PRICKLE1: variants seen among roughly 807,000 people sequenced by gnomAD.
PRICKLE1 encodes the protein prickle-like protein 1.
PRICKLE1 carries 14 observed loss-of-function variants against 70.2 expected under a neutral mutation model. The observed-to-expected ratio is 0.20, with a 90% confidence interval of 0.13 to 0.31. The LOEUF (loss-of-function observed/expected upper bound fraction) is 0.31. PRICKLE1 is among the 10% of genes least tolerant of loss of function. PRICKLE1 has a pLI of 1.00. For missense variants in PRICKLE1, 821 were observed against 1,026.2 expected (o/e 0.80, Z 2.73); for synonymous variants, 357 against 379.9 (o/e 0.94, Z 0.70).
At chr12:42,546,055 G>T (rs140943150) in intron 1 of PRICKLE1, among the ~76,000 whole-genome samples, 1 of 151,834 alleles carries the variant, frequency 6.6e-6, no homozygotes, top group South Asian at 2.1e-4. Context: ...AAACACTGAC[G>T]AACAAACATG....
At chr12:42,483,353 G>A (rs1473102855) in intron 1 of PRICKLE1, 2 of 152,158 alleles carry the variant, frequency 1.3e-5, no homozygotes, top group Non-Finnish European at 2.9e-5. Context: ...ATCCAGCCCT[G>A]GGACCCAGAC....
chr12:42,466,278 T>A lies in PRICKLE1; in HGVS notation c.691A>T (p.Ile231Phe). ...CETVLGGQRYIMKDGRPFCCG... is the reference protein window; with the variant it reads ...CETVLGGQRYFMKDGRPFCCG... ...CAGAAGGGGCGGCCGTCCTTCATGATATACCTCTGTCCTCCCAGGACCGTT... is the reference window on the plus strand; with the variant it reads ...CAGAAGGGGCGGCCGTCCTTCATGAAATACCTCTGTCCTCCCAGGACCGTT... Residue 231 changes from isoleucine (I) to phenylalanine (F), a missense_variant, in exon 6 of 8, where the codon ATC (isoleucine) becomes TTC (phenylalanine). By Grantham distance (21) the Ile-to-Phe change is conservative. Transcript: ENST00000345127. 1 of 1,614,226 alleles carries A rather than the reference T, an allele frequency of 6.2e-7. No individual in the cohort carries two copies. The highest frequency in any genetic ancestry group is 8.5e-7 in the Non-Finnish European group (1 of 1,180,044).
rs554256060 is a variant in PRICKLE1 at position 42,565,379 on chromosome 12, G to C, written c.-49+24086C>G. On this transcript the variant is annotated intron_variant, in intron 1 of 7. Transcript: ENST00000345127. ...ACTTAAGAAAGTACTTCTCTCAAGA[G>C]AGATGTGTTTTGGGGAAAAGGAGAA... is the stretch of plus-strand genomic sequence containing the variant. Among the ~76,000 whole-genome samples, 36 of 152,368 alleles carry C rather than the reference G, an allele frequency of 2.4e-4. No homozygotes were observed. The South Asian group carries it at 5.6e-3, about 24-fold the overall frequency.
At position 42,464,939 on chromosome 12, in the gene PRICKLE1, G is replaced by T. The variant is rs1255372333; in HGVS notation, c.1095C>A (p.Gly365=). 5 of 1,614,058 alleles carry T rather than the reference G, an allele frequency of 3.1e-6. No homozygotes were observed. In the African/African-American group the frequency reaches 6.7e-5, roughly 22 times the overall value. ...TTCGAGAAAGGGTGTCATCAGCATT[G>T]CCTGAGAGGCCAGGAAACTTGTAGT... ...ALNYKFPGLS[G]NADDTLSRKL... is the part of the protein sequence containing the mutation. The change falls in exon 7 of 8, where the codon GGC becomes GGA. Residue 365 remains glycine, a synonymous_variant. Transcript: ENST00000345127. The surrounding 1 kb of genome is among the most constrained non-coding windows in gnomAD (Gnocchi z 4.2).
intron 1 of PRICKLE1, among the ~76,000 whole-genome samples, chr12:42,585,798 T>G (rs1174003987): frequency 1.3e-5 from 2 of 152,196 alleles, no homozygotes; most frequent in African/African-American, 2.4e-5. Context: ...CAGTTCAGCA[T>G]GACCATAAAC....
At chr12:42,520,581 AAC>A (rs1195043077) in intron 1 of PRICKLE1, among the ~76,000 whole-genome samples, 2 of 152,160 alleles carry the variant, frequency 1.3e-5, no homozygotes, top group Non-Finnish European at 2.9e-5. Context: ...CTCATTGCCA[AAC>A]AGTCTATTAT....
At chr12:42,522,961 TA>T (rs1425407698) in intron 1 of PRICKLE1, among the ~76,000 whole-genome samples, 6 of 109,752 alleles carry the variant, frequency 5.5e-5, no homozygotes, top group Admixed American at 2.2e-4. Context: ...GATTCTAACA[TA>T]TTTTTTTTTT....
intron 1 of PRICKLE1, among the ~76,000 whole-genome samples, chr12:42,543,589 C>A (rs1454635341): frequency 6.6e-6 from 1 of 152,158 alleles, no homozygotes; most frequent in African/African-American, 2.4e-5. Context: ...GTGGCGCGAT[C>A]TTGGCTCACT....
At chr12:42,508,504 G>A (rs772212744) in intron 1 of PRICKLE1, among the ~76,000 whole-genome samples, 43 of 152,132 alleles carry the variant, frequency 2.8e-4, no homozygotes, top group East Asian at 9.7e-4. Flanking sequence ...TTTTATACAC[G>A]GGTATATAAC....
At chr12:42,492,161 G>A (rs1374134912) in intron 1 of PRICKLE1, among the ~76,000 whole-genome samples, 3 of 151,902 alleles carry the variant, frequency 2.0e-5, no homozygotes, top group Admixed American at 6.6e-5. Flanking sequence ...GAGTGCAGTG[G>A]TGCAATCATA....
Position 42,464,901 on chromosome 12 carries a change from A to G in PRICKLE1, c.1133T>C (p.Leu378Pro). The G allele has an allele frequency of 6.2e-7, 1 of 1,614,168 alleles. No individual in the cohort carries two copies. The highest frequency in any genetic ancestry group is 8.5e-7 in the Non-Finnish European group (1 of 1,180,038). The change falls in exon 7 of 8, where the codon CTG (leucine) becomes CCG (proline). Residue 378 changes from leucine to proline, a missense_variant. Transcript: ENST00000345127. The surrounding 1 kb of genome is among the most constrained non-coding windows in gnomAD (Gnocchi z 4.2). ...DDTLSRKLDDLSLSRQGTSFA... is the reference protein window; with the variant it reads ...DDTLSRKLDDPSLSRQGTSFA... ...ACTTGTTCCTTGTCTGGAGAGACTC[A>G]GATCATCCAATTTTCGAGAAAGGGT...
At chr12:42,503,717 T>A (rs1210155154) in intron 1 of PRICKLE1, among the ~76,000 whole-genome samples, 1 of 152,228 alleles carries the variant, frequency 6.6e-6, no homozygotes, top group African/African-American at 2.4e-5. Flanking sequence ...AATTCATATA[T>A]GAATATCCCT....
Position 42,457,348 on chromosome 12 carries a change from T to C in PRICKLE1, c.*2461A>G, listed in dbSNP as rs1312133600. On this transcript the variant is annotated 3_prime_UTR_variant, in exon 8 of 8. Coordinates refer to ENST00000345127, the MANE Select transcript of PRICKLE1 (RefSeq NM_153026.3). ...ATTTCTTCAGGCTAAGTATCACCTG[T>C]TTACTATTTATTATCCATCCTTTAT... 2.6e-5 allele frequency: 4 copies of C among 152,174 alleles called. No individual in the cohort carries two copies. The highest frequency in any genetic ancestry group is 4.4e-5 in the Non-Finnish European group (3 of 68,030). 9.4% of individuals were successfully genotyped at this position (152,174 alleles called of 1,614,324 possible). A position where few individuals can be genotyped will look rare whatever the true frequency, so the allele number is the denominator to read the frequency against.
intron 1 of PRICKLE1, among the ~76,000 whole-genome samples, chr12:42,549,798 C>T (rs1940281057): frequency 6.6e-6 from 1 of 152,232 alleles, no homozygotes; most frequent in Non-Finnish European, 1.5e-5. Flanking sequence ...TATCTGGCCC[C>T]AGCCTATCAG....
chr12:42,491,933 G>A (rs543886047), intron 1 of PRICKLE1, among the ~76,000 whole-genome samples: 2 of 151,798 alleles, frequency 1.3e-5, no homozygotes, highest in South Asian at 2.1e-4. Context: ...ACATGTGCCC[G>A]CCGCCACGCC....
At chr12:42,505,954 C>T (rs1052647125) in intron 1 of PRICKLE1, among the ~76,000 whole-genome samples, 1 of 152,240 alleles carries the variant, frequency 6.6e-6, no homozygotes, top group African/African-American at 2.4e-5. Flanking sequence ...TACTGGTCTA[C>T]AGACATCATT....
chr12:42,531,104 T>A (rs1169020372), intron 1 of PRICKLE1, among the ~76,000 whole-genome samples: 1 of 100,448 alleles, frequency 1.0e-5, no homozygotes, highest in East Asian at 2.8e-4. Context: ...TGGAGTACAG[T>A]GGCACGATCT....
At chr12:42,583,021 A>C (rs1182197310) in intron 1 of PRICKLE1, among the ~76,000 whole-genome samples, 1 of 150,786 alleles carries the variant, frequency 6.6e-6, no homozygotes, top group East Asian at 1.9e-4. Context: ...TGTAGTTAAC[A>C]AGTTATGTGT....
intron 1 of PRICKLE1, among the ~76,000 whole-genome samples, chr12:42,507,246 G>A (rs550380817): frequency 4.6e-5 from 7 of 152,286 alleles, no homozygotes; most frequent in South Asian, 4.2e-4. Flanking sequence ...TCCGGCACAC[G>A]GACTGACACA....
Sources: allele counts gnomAD v4.1 joint callset (sites outside exome capture counted in the v4.1 genomes callset), GRCh38; gene constraint gnomAD v4.1.1; non-coding constraint Gnocchi (gnomAD v3.1); transcripts MANE v1.5; gene names NCBI Gene and HGNC (gene_info 2026-07-23, HGNC 2026-07-21).